Variants in PLCXD3 observed in about 807,000 individuals in gnomAD.
PLCXD3 encodes PI-PLC X domain-containing protein 3.
A neutral mutation model predicts 25.5 loss-of-function variants in PLCXD3; 19 were observed. That is an observed-to-expected ratio of 0.75 (90% CI 0.52 to 1.09). The LOEUF (loss-of-function observed/expected upper bound fraction) is 1.09. Ranked by LOEUF, PLCXD3 falls within the 50% of genes least tolerant of loss-of-function variation. The probability of loss-of-function intolerance (pLI) is 0.00; values close to 1 mark genes in which losing one functional copy is unlikely to be tolerated. For synonymous variants in PLCXD3, 174 were observed against 137.6 expected, an observed-to-expected ratio of 1.26 and a Z score of -1.85; for missense variants, 411 against 388.1, an observed-to-expected ratio of 1.06 and a Z score of -0.50.
intron 2 of PLCXD3, among the ~76,000 whole-genome samples, chr5:41,356,392 A>T (rs1744618249): frequency 6.6e-6 from 1 of 152,208 alleles, no homozygotes; most frequent in African/African-American, 2.4e-5. Context: ...TTACAGGATA[A>T]TTTGGTTCTG....
rs377142230 is a variant in PLCXD3, at chr5:41,499,037, A to G, written c.103+11387T>C. Among the ~76,000 whole-genome samples the G allele has an allele frequency of 2.2e-3, 329 of 151,782 alleles. 1 individual carries two copies. Among genetic ancestry groups the G allele is most frequent in the African/African-American group, 7.3e-3 (304 of 41,518 alleles). On this transcript the variant is annotated intron_variant, in intron 1 of 2. Coordinates refer to ENST00000377801, the MANE Select transcript of PLCXD3 (RefSeq NM_001005473.3). ...AATAAAAGCCACATATGACAAGCCC[A>G]TAGTCATACTCAATAGTGAAAGTTT... is the stretch of plus-strand genomic sequence containing the variant.
At chr5:41,406,186 C>A (rs555804227) in intron 1 of PLCXD3, among the ~76,000 whole-genome samples, 3 of 152,164 alleles carry the variant, frequency 2.0e-5, no homozygotes, top group African/African-American at 7.2e-5. Flanking sequence ...TTCCAACTCC[C>A]AAATGAAGGT....
chr5:41,336,052 AT>A (rs1743970156), intron 2 of PLCXD3, among the ~76,000 whole-genome samples: 1 of 152,132 alleles, frequency 6.6e-6, no homozygotes, highest in Non-Finnish European at 1.5e-5. Flanking sequence ...CCTCCAATCG[AT>A]TCAGGAAGAT....
At chr5:41,367,949 T>C (rs1744984449) in intron 2 of PLCXD3, among the ~76,000 whole-genome samples, 1 of 152,184 alleles carries the variant, frequency 6.6e-6, no homozygotes, top group African/African-American at 2.4e-5. Context: ...CAGATGGTTG[T>C]AGGTGTGCAG....
chr5:41,352,142 C>G (rs1427639860), intron 2 of PLCXD3, among the ~76,000 whole-genome samples: 1 of 152,228 alleles, frequency 6.6e-6, no homozygotes, highest in Non-Finnish European at 1.5e-5. Context: ...TTTCCTTTAT[C>G]AATAGAAAGT....
intron 1 of PLCXD3, among the ~76,000 whole-genome samples, chr5:41,405,983 C>G (rs1746339775): frequency 6.6e-6 from 1 of 152,126 alleles, no homozygotes; most frequent in African/African-American, 2.4e-5. Flanking sequence ...ATTCTTAAGT[C>G]TCAGCACAAA....
intron 1 of PLCXD3, among the ~76,000 whole-genome samples, chr5:41,460,714 C>A (rs1014925516): frequency 6.6e-6 from 1 of 151,942 alleles, no homozygotes; most frequent in Non-Finnish European, 1.5e-5. Flanking sequence ...TTATAAAATG[C>A]AATTTTACTT....
At chr5:41,372,294 TCTCTCA>T (rs1417595366) in intron 2 of PLCXD3, among the ~76,000 whole-genome samples, 131 of 133,322 alleles carry the variant, frequency 9.8e-4, no homozygotes, top group African/African-American at 3.8e-3. Context: ...TCTCTCTCTC[TCTCTCA>T]CACACACACA....
chr5:41,340,270 C>A (rs1485499777), intron 2 of PLCXD3, among the ~76,000 whole-genome samples: 1 of 151,964 alleles, frequency 6.6e-6, no homozygotes, highest in Non-Finnish European at 1.5e-5. Context: ...ACGTAGTGTC[C>A]CTAAAAACAG....
Position 41,313,781 on chromosome 5 carries a change from A to T in PLCXD3, c.813-11T>A, listed in dbSNP as rs765175958. On this transcript the variant is annotated splice_polypyrimidine_tract_variant and intron_variant, in intron 2 of 2. Coordinates refer to ENST00000377801, the MANE Select transcript of PLCXD3 (RefSeq NM_001005473.3). ...ATGGCAGGAAGAGCTCTGAGAAAGG[A>T]AACAAAAAGAAAAGTCACAGAAGGC... is the stretch of plus-strand genomic sequence containing the variant. 125 of 1,561,010 alleles carry T rather than the reference A, an allele frequency of 8.0e-5. No homozygotes were observed. Among genetic ancestry groups the T allele is most frequent in the African/African-American group, 1.4e-5 (1 of 71,976 alleles).
chr5:41,319,592 TATGGG>T (rs1246778510), intron 2 of PLCXD3, among the ~76,000 whole-genome samples: 1 of 151,940 alleles, frequency 6.6e-6, no homozygotes, highest in Non-Finnish European at 1.5e-5. Context: ...CACCAAAACC[TATGGG>T]ATACAGCAAA....
chr5:41,357,259 A>G (rs1208692900), intron 2 of PLCXD3, among the ~76,000 whole-genome samples: 1 of 152,210 alleles, frequency 6.6e-6, no homozygotes, highest in Non-Finnish European at 1.5e-5. Context: ...TGTGGCTTAT[A>G]TTTGTACCTT....
At chr5:41,484,854 C>G (rs372152239) in intron 1 of PLCXD3, among the ~76,000 whole-genome samples, 1 of 152,080 alleles carries the variant, frequency 6.6e-6, no homozygotes, top group African/African-American at 2.4e-5. Flanking sequence ...AGATTTGTTC[C>G]TGCTGTATTC....
chr5:41,388,332 C>T (rs191953458), intron 1 of PLCXD3, among the ~76,000 whole-genome samples: 12 of 152,166 alleles, frequency 7.9e-5, no homozygotes, highest in Non-Finnish European at 1.6e-4. Flanking sequence ...GGAAGGAAAA[C>T]ATGTGCACTT....
At chr5:41,331,630 C>G (rs1175744321) in intron 2 of PLCXD3, among the ~76,000 whole-genome samples, 12 of 151,834 alleles carry the variant, frequency 7.9e-5, no homozygotes, top group East Asian at 5.8e-4. Context: ...AGCCCGCATC[C>G]CCAAGTCAAT....
intron 1 of PLCXD3, among the ~76,000 whole-genome samples, chr5:41,490,976 G>A (rs1304567222): frequency 6.6e-6 from 1 of 152,020 alleles, no homozygotes. Flanking sequence ...CCTTCTGCTA[G>A]CTTTTGAATG....
chr5:41,432,394 A>G (rs942520315), intron 1 of PLCXD3, among the ~76,000 whole-genome samples: 11 of 152,218 alleles, frequency 7.2e-5, no homozygotes, highest in African/African-American at 2.7e-4. Context: ...TCTGCTGTCC[A>G]GCATGGGTTT....
In PLCXD3 at chr5:41,311,775, T is replaced by G. The variant is rs1743140790; in HGVS notation, c.*1842A>C. ...GTACTATTTTCTGATCATGAGTATT[T>G]ATAATCTTGAAATCAACTCTTGATT... On this transcript the variant is annotated 3_prime_UTR_variant, in exon 3 of 3. Transcript: ENST00000377801. 1.3e-5 allele frequency: 2 copies of G among 152,386 alleles called. No individual in the cohort carries two copies. 9.4% of individuals were successfully genotyped at this position (152,386 alleles called of 1,614,324 possible). A position where few individuals can be genotyped will look rare whatever the true frequency, so the allele number is the denominator to read the frequency against.
intron 1 of PLCXD3, among the ~76,000 whole-genome samples, chr5:41,419,819 T>C (rs916037265): frequency 6.6e-6 from 1 of 152,198 alleles, no homozygotes; most frequent in Non-Finnish European, 1.5e-5. Flanking sequence ...CAATAGGTTG[T>C]TGTGATGATT....
Sources: gnomAD v4.1 joint callset for allele counts (sites outside exome capture counted in the v4.1 genomes callset) on GRCh38, gnomAD v4.1.1 for gene constraint, MANE v1.5 for transcripts, NCBI Gene and HGNC (gene_info 2026-07-23, HGNC 2026-07-21) for gene names.